UGT1A9: variants seen among roughly 807,000 people sequenced by gnomAD.
UGT1A9 encodes the protein UDP-glucuronosyltransferase 1A9.
A neutral mutation model predicts 45.0 loss-of-function variants in UGT1A9; 35 were observed. The ratio of observed to expected loss-of-function variants is 0.78; its 90% CI spans 0.59 to 1.03. The LOEUF is 1.03. UGT1A9 is among the 50% of genes least tolerant of loss of function. The pLI is 0.00. For missense variants in UGT1A9, 687 were observed against 666.6 expected (o/e 1.03, Z -0.34); for synonymous variants, 278 against 250.6 (o/e 1.11, Z -1.03).
intron 1 of UGT1A9, among the ~76,000 whole-genome samples, chr2:233,696,656 A>G (rs1320841888): frequency 6.6e-6 from 1 of 152,188 alleles, no homozygotes; most frequent in Non-Finnish European, 1.5e-5. Flanking sequence ...GACTTCCAGT[A>G]CTATGAAGAA....
intron 1 of UGT1A9, among the ~76,000 whole-genome samples, chr2:233,732,442 G>A (rs1257874591): frequency 6.6e-6 from 1 of 152,146 alleles, no homozygotes; most frequent in Non-Finnish European, 1.5e-5. Flanking sequence ...TATGGTTTTA[G>A]GTCTAACATT....
At chr2:233,716,525 A>G (rs931011254) in intron 1 of UGT1A9, among the ~76,000 whole-genome samples, 1 of 152,164 alleles carries the variant, frequency 6.6e-6, no homozygotes, top group Non-Finnish European at 1.5e-5. Flanking sequence ...CTTACCATTC[A>G]ATTATCTCCT....
At chr2:233,768,744 G>A (rs903121977) in intron 4 of UGT1A9, among the ~76,000 whole-genome samples, 12 of 151,626 alleles carry the variant, frequency 7.9e-5, no homozygotes, top group African/African-American at 2.4e-4. Context: ...CACCACGCCC[G>A]GTTAATTTTT....
chr2:233,697,051 T>C (rs2075372037), intron 1 of UGT1A9, among the ~76,000 whole-genome samples: 1 of 152,152 alleles, frequency 6.6e-6, no homozygotes, highest in Non-Finnish European at 1.5e-5. Flanking sequence ...TTTTTTGTTG[T>C]GTCCTTGTCT....
At chr2:233,764,755 C>T (rs1698636396) in intron 1 of UGT1A9, among the ~76,000 whole-genome samples, 1 of 152,062 alleles carries the variant, frequency 6.6e-6, no homozygotes, top group Non-Finnish European at 1.5e-5. Context: ...TGGTGCAGAC[C>T]CTAGGGAGGA....
intron 1 of UGT1A9, among the ~76,000 whole-genome samples, chr2:233,763,690 T>C (rs1698373555): frequency 6.6e-6 from 1 of 152,190 alleles, no homozygotes; most frequent in African/African-American, 2.4e-5. Context: ...AAGATAAAAC[T>C]TTTATTGCAC....
chr2:233,724,165 C>CA (rs1189702988), intron 1 of UGT1A9, among the ~76,000 whole-genome samples: 1 of 112,674 alleles, frequency 8.9e-6, no homozygotes. Flanking sequence ...GGGGGGCTGA[C>CA]CCCCCCATCT....
chr2:233,721,383 C>T (rs2076941524), intron 1 of UGT1A9: 1 of 152,770 alleles, frequency 6.5e-6, no homozygotes, highest in South Asian at 2.1e-4. Context: ...TCTTCACTCT[C>T]ATTTTTCTAG....
At chr2:233,689,173 GA>G (rs1242031028) in intron 1 of UGT1A9, among the ~76,000 whole-genome samples, 1 of 152,150 alleles carries the variant, frequency 6.6e-6, no homozygotes, top group African/African-American at 2.4e-5. Context: ...CTTCTACTAG[GA>G]CAGGTGCCCC....
intron 1 of UGT1A9, among the ~76,000 whole-genome samples, chr2:233,679,610 T>C (rs2074457412): frequency 6.6e-6 from 1 of 152,222 alleles, no homozygotes; most frequent in South Asian, 2.1e-4. Flanking sequence ...ATTAAAACCC[T>C]GTTCAGGCAG....
At chr2:233,704,993 G>A (rs973779449) in intron 1 of UGT1A9, among the ~76,000 whole-genome samples, 41 of 152,048 alleles carry the variant, frequency 2.7e-4, no homozygotes, top group Admixed American at 5.2e-4. Flanking sequence ...GAAATTAGCC[G>A]GGTATGGTGG....
chr2:233,697,701 G>T (rs765701149), intron 1 of UGT1A9, among the ~76,000 whole-genome samples: 13 of 151,746 alleles, frequency 8.6e-5, no homozygotes, highest in Non-Finnish European at 1.5e-4. Flanking sequence ...TTGGATGTAG[G>T]CATTTATTGT....
Position 233,719,463 on chromosome 2 carries a change from C to G in UGT1A9, c.855+46674C>G, listed in dbSNP as rs778257140. On this transcript the variant is annotated intron_variant, in intron 1 of 4. Transcript: ENST00000354728. ...ATTCCTGCAAAGGGTCAAGAACATG[C>G]TCTACCCTCTGGCCCTGTCCTACAT... 3 of 1,613,862 alleles carry G rather than the reference C, an allele frequency of 1.9e-6. No homozygotes were observed. The South Asian group carries it at 3.3e-5, about 18-fold the overall frequency.
At chr2:233,746,983 G>T (rs1426069164) in intron 1 of UGT1A9, among the ~76,000 whole-genome samples, 1 of 151,820 alleles carries the variant, frequency 6.6e-6, no homozygotes, top group Non-Finnish European at 1.5e-5. Context: ...AGCGAGCGCA[G>T]GGTCAGATGA....
chr2:233,760,210 T>A, intron 1 of UGT1A9: 1 of 1,591,180 alleles, frequency 6.3e-7, no homozygotes, highest in African/African-American at 1.4e-5. Flanking sequence ...AAACATTAAC[T>A]TGGTGTATCG....
intron 1 of UGT1A9, chr2:233,713,512 G>A (rs1272104419): frequency 4.3e-6 from 7 of 1,613,772 alleles, no homozygotes; most frequent in Non-Finnish European, 5.9e-6. Flanking sequence ...TTTTTCTTGA[G>A]GAACATTCCA....
chr2:233,735,336 G>GC (rs1210118835), intron 1 of UGT1A9, among the ~76,000 whole-genome samples: 3 of 151,898 alleles, frequency 2.0e-5, no homozygotes, highest in Non-Finnish European at 2.9e-5. Flanking sequence ...TGCAACCCCT[G>GC]CTTTTTTTTT....
rs190315696 is a variant in UGT1A9 at position 233,744,277 on chromosome 2, A to G, written c.856-22757A>G. On this transcript the variant is annotated intron_variant, in intron 1 of 4. Transcript: ENST00000354728. Reference sequence around the variant, plus strand: ...AACTGTTTTTCTTAAAGTAGGCTTTATATCAGTCTTTTTCCTCGGCCACAG... The same window carrying G: ...AACTGTTTTTCTTAAAGTAGGCTTTGTATCAGTCTTTTTCCTCGGCCACAG... 2.4e-3 allele frequency among the ~76,000 whole-genome samples: 368 copies of G among 151,920 alleles called. 17 individuals carry two copies. Among genetic ancestry groups the G allele is most frequent in the African/African-American group, 8.5e-3 (350 of 41,184 alleles).
In UGT1A9 at chr2:233,672,160, A is replaced by G; in HGVS notation, c.226A>G (p.Thr76Ala). The change falls in exon 1 of 5, where the codon ACT becomes GCT. Residue 76 changes from threonine (T) to alanine (A), a missense_variant. Thr to Ala is a moderately conservative substitution (Grantham distance 58). Coordinates refer to ENST00000354728, the MANE Select transcript of UGT1A9 (RefSeq NM_021027.3). ...AAGATCACTGAATTGCACAGTGAAGACTTATTCAACTTCATATACCCTGGA... is the reference window on the plus strand; with the variant it reads ...AAGATCACTGAATTGCACAGTGAAGGCTTATTCAACTTCATATACCCTGGA... ...LGRSLNCTVK[T>A]YSTSYTLEDL... The G allele has an allele frequency of 6.2e-7, 1 of 1,614,178 alleles. No individual in the cohort carries two copies.
Sources: allele counts gnomAD v4.1 joint callset (sites outside exome capture counted in the v4.1 genomes callset), GRCh38; gene constraint gnomAD v4.1.1; transcripts MANE v1.5; gene names NCBI Gene and HGNC (gene_info 2026-07-23, HGNC 2026-07-21).